DLC1: variants seen among roughly 807,000 people sequenced by gnomAD.
DLC1 encodes the protein DLC1 Rho GTPase activating protein.
In DLC1, 54 loss-of-function variants were observed where a neutral mutation model predicts 140.3. That is an observed-to-expected ratio of 0.38 (90% confidence interval 0.31 to 0.48). DLC1 has a LOEUF of 0.48. DLC1 is among the 20% of genes least tolerant of loss of function. DLC1 has a pLI of 0.96. For missense variants in DLC1, 2,536 were observed against 1,907.0 expected, an observed-to-expected ratio of 1.33 and a Z score of -6.14; for synonymous variants, 986 against 728.1, an observed-to-expected ratio of 1.35 and a Z score of -5.70.
intron 2 of DLC1, among the ~76,000 whole-genome samples, chr8:13,481,090 T>C (rs1800711292): frequency 6.6e-6 from 1 of 152,012 alleles, no homozygotes. Context: ...GCTTTTGAAA[T>C]GGAAAGACAA....
intron 1 of DLC1, among the ~76,000 whole-genome samples, chr8:13,596,715 A>G (rs930955568): frequency 6.6e-6 from 1 of 152,040 alleles, no homozygotes; most frequent in Non-Finnish European, 1.5e-5. Context: ...TTCAGCCTCC[A>G]TCTAAAACCC....
At chr8:13,569,279 C>T (rs1465240054) in intron 1 of DLC1, among the ~76,000 whole-genome samples, 1 of 152,074 alleles carries the variant, frequency 6.6e-6, no homozygotes, top group Non-Finnish European at 1.5e-5. Context: ...AATTTGTTTG[C>T]AAAAATCAGC....
intron 2 of DLC1, among the ~76,000 whole-genome samples, chr8:13,444,491 T>C (rs1338578028): frequency 2.6e-5 from 4 of 152,314 alleles, no homozygotes; most frequent in East Asian, 3.9e-4. Flanking sequence ...TCACATTAAA[T>C]GAGTGACAAA....
At chr8:13,428,781 T>A (rs1173521668) in intron 2 of DLC1, among the ~76,000 whole-genome samples, 2 of 152,186 alleles carry the variant, frequency 1.3e-5, no homozygotes, top group Admixed American at 1.3e-4. Context: ...GTGACTCCTT[T>A]GTGTTTTTCT....
At chr8:13,227,947 G>A (rs1319418797) in intron 5 of DLC1, among the ~76,000 whole-genome samples, 2 of 152,098 alleles carry the variant, frequency 1.3e-5, no homozygotes, top group African/African-American at 4.8e-5. Flanking sequence ...ACTTAAGTGT[G>A]ACAAGATAGT....
At position 13,111,831 on chromosome 8, in the gene DLC1, T is replaced by C. The variant is rs1820138358; in HGVS notation, c.1421-1008A>G. Among the ~76,000 whole-genome samples, 3 of 151,942 alleles carry C rather than the reference T, an allele frequency of 2.0e-5. No individual in the cohort carries two copies. In the South Asian group the frequency reaches 6.2e-4, roughly 32 times the overall value. On this transcript the variant is annotated intron_variant, in intron 6 of 17. Coordinates refer to ENST00000276297, the MANE Select transcript of DLC1 (RefSeq NM_182643.3). ...GAAATCAGTCATCACAGCAGGAAAC[T>C]AGAATCACCACAAGCTAAAAAATTC...
At chr8:13,359,748 T>C (rs1835134959) in intron 4 of DLC1, among the ~76,000 whole-genome samples, 1 of 152,168 alleles carries the variant, frequency 6.6e-6, no homozygotes, top group African/African-American at 2.4e-5. Context: ...TGATATAAAA[T>C]AAAATGAATA....
intron 5 of DLC1, among the ~76,000 whole-genome samples, chr8:13,238,148 A>G (rs958456264): frequency 2.6e-5 from 4 of 152,044 alleles, no homozygotes; most frequent in Non-Finnish European, 5.9e-5. Flanking sequence ...ATGTGTGCAT[A>G]TATGCGTATG....
At chr8:13,215,890 C>T (rs1828177226) in intron 5 of DLC1, among the ~76,000 whole-genome samples, 1 of 152,194 alleles carries the variant, frequency 6.6e-6, no homozygotes, top group Non-Finnish European at 1.5e-5. Context: ...CAAAAGGCTA[C>T]AACTCGTCTC....
At chr8:13,261,951 T>C (rs1382646847) in intron 5 of DLC1, among the ~76,000 whole-genome samples, 2 of 152,194 alleles carry the variant, frequency 1.3e-5, no homozygotes, top group Non-Finnish European at 2.9e-5. Context: ...GCATTGAATG[T>C]GTCTAATAGG....
chr8:13,377,019 C>T (rs1334548745), intron 4 of DLC1, among the ~76,000 whole-genome samples: 1 of 152,202 alleles, frequency 6.6e-6, no homozygotes, highest in African/African-American at 2.4e-5. Context: ...CTTTTGGATG[C>T]TTCACACTTT....
At chr8:13,299,478 C>CTT (rs36119138) in intron 5 of DLC1, among the ~76,000 whole-genome samples, 1,195 of 114,554 alleles carry the variant, frequency 0.01, 33 homozygotes, top group African/African-American at 0.034. Context: ...AGCTCCTCAT[C>CTT]TTTTTTTTTT....
At chr8:13,165,001 T>C (rs904719696) in intron 5 of DLC1, among the ~76,000 whole-genome samples, 15 of 152,304 alleles carry the variant, frequency 9.8e-5, no homozygotes, top group Admixed American at 2.0e-4. Context: ...GAAATTGTCA[T>C]CTGAATATGG....
chr8:13,170,936 T>C (rs1825433637), intron 5 of DLC1, among the ~76,000 whole-genome samples: 1 of 152,188 alleles, frequency 6.6e-6, no homozygotes, highest in Non-Finnish European at 1.5e-5. Context: ...TCAAAAGTAT[T>C]GAAATCCTCA....
intron 1 of DLC1, among the ~76,000 whole-genome samples, chr8:13,581,417 T>C (rs945058220): frequency 6.6e-6 from 1 of 152,190 alleles, no homozygotes; most frequent in Non-Finnish European, 1.5e-5. Flanking sequence ...TTTCAGTAAA[T>C]AGAACTAATA....
intron 4 of DLC1, among the ~76,000 whole-genome samples, chr8:13,306,599 A>T (rs921774576): frequency 1.3e-5 from 2 of 150,294 alleles, no homozygotes; most frequent in African/African-American, 4.9e-5. Context: ...AGAGAGAGAG[A>T]GAGGCCCAAG....
intron 4 of DLC1, among the ~76,000 whole-genome samples, chr8:13,380,744 C>G (rs548597696): frequency 2.0e-4 from 30 of 152,214 alleles, no homozygotes; most frequent in African/African-American, 7.2e-4. Flanking sequence ...TGACCCAAAC[C>G]CTAAGGGGAC....
At chr8:13,188,274 G>A (rs557097417) in intron 5 of DLC1, among the ~76,000 whole-genome samples, 2 of 151,162 alleles carry the variant, frequency 1.3e-5, no homozygotes, top group South Asian at 2.1e-4. Flanking sequence ...TAGAGAAGGG[G>A]TTTCACCACA....
At chr8:13,490,122 C>G (rs182926970) in intron 2 of DLC1, among the ~76,000 whole-genome samples, 1 of 152,196 alleles carries the variant, frequency 6.6e-6, no homozygotes, top group Non-Finnish European at 1.5e-5. Context: ...CAAGTTCAGT[C>G]CAAGCCATTC....
Sources: allele counts gnomAD v4.1 joint callset (sites outside exome capture counted in the v4.1 genomes callset), GRCh38; gene constraint gnomAD v4.1.1; transcripts MANE v1.5; gene names NCBI Gene and HGNC (gene_info 2026-07-23, HGNC 2026-07-21).